PPP1R9A: variants seen among roughly 807,000 people sequenced by gnomAD.
The protein encoded by PPP1R9A is protein phosphatase 1 regulatory subunit 9A.
In PPP1R9A, 59 loss-of-function variants were observed where a neutral mutation model predicts 141.9. That is an observed-to-expected ratio of 0.42 (90% confidence interval 0.34 to 0.52). PPP1R9A has a LOEUF of 0.52. Ranked by LOEUF, PPP1R9A falls within the 20% of genes least tolerant of loss-of-function variation. The probability of loss-of-function intolerance (pLI) is 0.10; values close to 1 mark genes in which losing one functional copy is unlikely to be tolerated. For synonymous variants in PPP1R9A, 500 were observed against 569.7 expected (o/e 0.88, Z 1.74); for missense variants, 1,444 against 1,611.9 (o/e 0.90, Z 1.78).
At chr7:95,194,417 C>T (rs1835933935) in intron 5 of PPP1R9A, among the ~76,000 whole-genome samples, 1 of 152,012 alleles carries the variant, frequency 6.6e-6, no homozygotes, top group African/African-American at 2.4e-5. Context: ...GTGAGGATGT[C>T]TACTCTTACC....
At chr7:95,140,378 C>T (rs1826438623) in intron 4 of PPP1R9A, among the ~76,000 whole-genome samples, 1 of 152,146 alleles carries the variant, frequency 6.6e-6, no homozygotes, top group Non-Finnish European at 1.5e-5. Context: ...AATTTTCAAT[C>T]AATTATAATT....
At chr7:95,075,225 A>G (rs1229767902) in intron 2 of PPP1R9A, among the ~76,000 whole-genome samples, 1 of 152,128 alleles carries the variant, frequency 6.6e-6, no homozygotes, top group African/African-American at 2.4e-5. Flanking sequence ...TCTGAGTATT[A>G]TGTCATTCTT....
intron 2 of PPP1R9A, among the ~76,000 whole-genome samples, chr7:95,052,898 C>T (rs901783721): frequency 6.6e-6 from 1 of 152,196 alleles, no homozygotes; most frequent in African/African-American, 2.4e-5. Context: ...TACCTCTGCT[C>T]ATTTCTCTTG....
chr7:95,169,976 T>G (rs1359842474), intron 5 of PPP1R9A, among the ~76,000 whole-genome samples: 2 of 151,794 alleles, frequency 1.3e-5, no homozygotes, highest in Non-Finnish European at 3.0e-5. Flanking sequence ...ATAGTTGTTA[T>G]AATTAGATTT....
At chr7:95,164,121 G>A (rs1247658794) in intron 5 of PPP1R9A, among the ~76,000 whole-genome samples, 1 of 152,194 alleles carries the variant, frequency 6.6e-6, no homozygotes, top group African/African-American at 2.4e-5. Context: ...CATGTGGTAA[G>A]TGTATGTTTA....
At position 95,037,481 on chromosome 7, in the gene PPP1R9A, A is replaced by G. The variant is rs572902058; in HGVS notation, c.1396-73778A>G. On this transcript the variant is annotated intron_variant, in intron 2 of 19. Coordinates refer to ENST00000433360, the MANE Select transcript of PPP1R9A (RefSeq NM_001166160.2). ...GTGTTATGACCAAAAGTGATTTCAT[A>G]TCTATTTTAATGAATTAGGATTAGA... Among the ~76,000 whole-genome samples, 26 of 152,298 alleles carry G rather than the reference A, an allele frequency of 1.7e-4. 1 individual carries two copies. Among genetic ancestry groups the G allele is most frequent in the South Asian group, 1.2e-3 (6 of 4,826 alleles).
chr7:94,925,196 C>G lies in PPP1R9A; in HGVS notation c.1395+13688C>G, dbSNP rs1184191403. Among the ~76,000 whole-genome samples the G allele has an allele frequency of 2.6e-5, 4 of 152,172 alleles. No homozygotes were observed. In the East Asian group the frequency reaches 7.7e-4, roughly 29 times the overall value. ...GCAGTTCAAGTATAAAAGCCTTTTG[C>G]TGGAAAATTTTTTTTTTGCTTGTGG... On this transcript the variant is annotated intron_variant, in intron 2 of 19. Coordinates refer to ENST00000433360, the MANE Select transcript of PPP1R9A (RefSeq NM_001166160.2).
At chr7:95,150,412 C>T (rs1431019108) in intron 4 of PPP1R9A, among the ~76,000 whole-genome samples, 1 of 152,170 alleles carries the variant, frequency 6.6e-6, no homozygotes, top group Non-Finnish European at 1.5e-5. Flanking sequence ...AAGCAATTCT[C>T]CTGCCTCAGC....
intron 2 of PPP1R9A, among the ~76,000 whole-genome samples, chr7:95,028,500 A>G (rs1467929911): frequency 2.0e-5 from 3 of 152,214 alleles, no homozygotes; most frequent in Non-Finnish European, 1.5e-5. Context: ...TATATTGTTC[A>G]TGTAATTGCA....
At position 95,120,948 on chromosome 7, in the gene PPP1R9A, T is replaced by G; in HGVS notation, c.1649+116T>G. The G allele has an allele frequency of 4.5e-6, 6 of 1,333,508 alleles. No individual in the cohort carries two copies. In the South Asian group the frequency reaches 9.0e-5, roughly 20 times the overall value. The allele number at this position is 1,333,508 out of a possible 1,614,324, so 82.6% of individuals were successfully genotyped here. ...GATTTTTTAGGATAGAATTTCAGGT[T>G]TCTCAGATGTGAAAATCTTTAAACA... is the stretch of plus-strand genomic sequence containing the variant. On this transcript the variant is annotated intron_variant, in intron 4 of 19. Transcript: ENST00000433360.
chr7:95,027,269 T>C (rs1343542952), intron 2 of PPP1R9A, among the ~76,000 whole-genome samples: 1 of 152,154 alleles, frequency 6.6e-6, no homozygotes, highest in East Asian at 1.9e-4. Context: ...GGGAAAAGTG[T>C]AGTATCTGGG....
At chr7:95,211,663 C>A (rs1044481953) in intron 7 of PPP1R9A, among the ~76,000 whole-genome samples, 1 of 152,022 alleles carries the variant, frequency 6.6e-6, no homozygotes, top group Admixed American at 6.6e-5. Context: ...GTCTGTCACT[C>A]CTAAAATTAC....
At position 95,120,277 on chromosome 7, in the gene PPP1R9A, A is replaced by C. The variant is rs372065529; in HGVS notation, c.1529-435A>C. Among the ~76,000 whole-genome samples, 127 of 152,130 alleles carry C rather than the reference A, an allele frequency of 8.3e-4. 2 individuals carry two copies. Among genetic ancestry groups the C allele is most frequent in the African/African-American group, 2.9e-3 (122 of 41,406 alleles). On this transcript the variant is annotated intron_variant, in intron 3 of 19. Coordinates refer to ENST00000433360, the MANE Select transcript of PPP1R9A (RefSeq NM_001166160.2). ...CAGCCACATGTACTATCTTATTAAC[A>C]TGAATAAACAAGTAAAGAAGAAAAG...
At position 95,177,202 on chromosome 7, in the gene PPP1R9A, G is replaced by A. The variant is rs146673520; in HGVS notation, c.1754+15231G>A. On this transcript the variant is annotated intron_variant, in intron 5 of 19. Transcript: ENST00000433360. ...AAACCCTACAAGCTAGAAGGGATTG[G>A]GGCCCAATCTTGAGCCTCCTCAAAC... Among the ~76,000 whole-genome samples, 1,299 of 152,164 alleles carry A rather than the reference G, an allele frequency of 8.5e-3. 11 individuals carry two copies. The highest frequency in any genetic ancestry group is 0.014 in the Non-Finnish European group (919 of 67,998).
In PPP1R9A at chr7:95,104,671, A is replaced by G. The variant is rs567202258; in HGVS notation, c.1396-6588A>G. ...GCACACACTGGACAATCAATACACT[A>G]GATAATTCTACCTATTGTCGATCAG... On this transcript the variant is annotated intron_variant, in intron 2 of 19. Transcript: ENST00000433360. Among the ~76,000 whole-genome samples, 62 of 152,300 alleles carry G rather than the reference A, an allele frequency of 4.1e-4. 1 individual carries two copies. Among genetic ancestry groups the G allele is most frequent in the African/African-American group, 1.4e-3 (60 of 41,556 alleles).
intron 2 of PPP1R9A, among the ~76,000 whole-genome samples, chr7:94,988,137 G>A (rs1291502683): frequency 2.6e-5 from 4 of 151,950 alleles, no homozygotes; most frequent in African/African-American, 7.2e-5. Flanking sequence ...GCTGATGTTT[G>A]GTCTTTATTA....
chr7:95,166,668 C>A (rs1348952017), intron 5 of PPP1R9A, among the ~76,000 whole-genome samples: 1 of 152,130 alleles, frequency 6.6e-6, no homozygotes, highest in Admixed American at 6.5e-5. Flanking sequence ...TTCTATGAGG[C>A]AAGCATTACC....
At chr7:95,169,701 C>A (rs1335484795) in intron 5 of PPP1R9A, among the ~76,000 whole-genome samples, 1 of 151,646 alleles carries the variant, frequency 6.6e-6, no homozygotes, top group Admixed American at 6.6e-5. Context: ...TAGAACTTAC[C>A]CTCAAACTAA....
chr7:95,269,488 G>C lies in PPP1R9A; in HGVS notation c.3105G>C (p.Lys1035Asn), dbSNP rs780156033. The change falls in exon 14 of 20, where the codon AAG becomes AAC. Residue 1035 changes from lysine to asparagine, a missense_variant. This residue lies in a region of PPP1R9A where 459 missense variants were observed against 513.8 expected (regional missense o/e 0.89). Transcript: ENST00000433360. ...ESPCHHQTTN[K>N]KILREKDDAK... ...CTTGCCATCACCAAACCACCAACAA[G>C]AAAATATTACGAGAAAAAGGTATTG... The C allele has an allele frequency of 7.0e-6, 11 of 1,575,468 alleles. No individual in the cohort carries two copies. The highest frequency in any genetic ancestry group is 9.5e-6 in the Non-Finnish European group (11 of 1,159,916).
Sources: gnomAD v4.1 joint callset for allele counts (sites outside exome capture counted in the v4.1 genomes callset) on GRCh38, gnomAD v4.1.1 for gene constraint, gnomAD v4.1.1 regional missense constraint, MANE v1.5 for transcripts, NCBI Gene and HGNC (gene_info 2026-07-23, HGNC 2026-07-21) for gene names.